SLC6A20: variants seen among roughly 807,000 people sequenced by gnomAD.
The protein encoded by SLC6A20 is sodium- and chloride-dependent transporter XTRP3.
Under a neutral mutation model 64.3 loss-of-function variants are expected in SLC6A20, and 73 were observed. That is an observed-to-expected ratio of 1.14 (90% CI 0.94 to 1.38). The LOEUF is 1.38. Ranked by LOEUF, SLC6A20 falls within the 40% of genes most tolerant of loss-of-function variation. SLC6A20 has a pLI of 0.00. For synonymous variants in SLC6A20, 347 were observed against 329.6 expected, an observed-to-expected ratio of 1.05 and a Z score of -0.57; for missense variants, 725 against 772.8, an observed-to-expected ratio of 0.94 and a Z score of 0.73.
intron 6 of SLC6A20, 26 bp downstream of exon 6, chr3:45,771,191 G>A: frequency 6.2e-7 from 1 of 1,613,678 alleles, no homozygotes; most frequent in Non-Finnish European, 8.5e-7. Flanking sequence ...GGAGGCCTGG[G>A]ACTCGGTGGG....
chr3:45,764,615 T>C (rs574630090), intron 8 of SLC6A20, among the ~76,000 whole-genome samples: 1 of 149,692 alleles, frequency 6.7e-6, no homozygotes, highest in African/African-American at 2.5e-5. Flanking sequence ...GGCACGAGAA[T>C]AGCTTGAGCC....
At position 45,781,220 on chromosome 3, in the gene SLC6A20, CA is replaced by C. The variant is rs34987516; in HGVS notation, c.262+862del. ...GGGCAATAAGAGCGAAACTCCGCCT[CA>C]AAAAAAAAAAAAAATTAATAGCCAT... On this transcript the variant is annotated intron_variant, in intron 2 of 10. Coordinates refer to ENST00000358525, the MANE Select transcript of SLC6A20 (RefSeq NM_020208.4). Among the ~76,000 whole-genome samples, 521 of 129,352 alleles carry C rather than the reference CA, an allele frequency of 4.0e-3. 1 individual carries two copies. The highest frequency in any genetic ancestry group is 6.9e-3 in the Admixed American group (93 of 13,488). The allele number at this position is 129,352 out of a possible 152,430, so 84.9% of individuals were successfully genotyped here.
At position 45,796,311 on chromosome 3, in the gene SLC6A20, T is replaced by A; in HGVS notation, c.109A>T (p.Met37Leu). 1.9e-6 allele frequency: 3 copies of A among 1,610,102 alleles called. No individual in the cohort carries two copies. Among genetic ancestry groups the A allele is most frequent in the Non-Finnish European group, 1.7e-6 (2 of 1,178,480 alleles). ...GGTGGGCACTCACCTCCGCCGTACATCTGGCACAGGTACGGGAATCGCCAC... is the reference window on the plus strand; with the variant it reads ...GGTGGGCACTCACCTCCGCCGTACAACTGGCACAGGTACGGGAATCGCCAC... ...NVWRFPYLCQ[M>L]YGGGSFLVPY... Residue 37 changes from methionine to leucine, a missense_variant, in exon 1 of 11, where the codon ATG becomes TTG. Physicochemically the swap from Met to Leu is conservative, Grantham distance 15. Coordinates refer to ENST00000358525, the MANE Select transcript of SLC6A20 (RefSeq NM_020208.4).
intron 10 of SLC6A20, among the ~76,000 whole-genome samples, chr3:45,759,480 G>T (rs1209004886): frequency 6.6e-6 from 1 of 152,252 alleles, no homozygotes; most frequent in South Asian, 2.1e-4. Context: ...TCTTAGCCTG[G>T]AATGGGACTT....
Position 45,762,958 on chromosome 3 carries a change from A to G in SLC6A20, c.1418T>C (p.Val473Ala). ...GCACACGGCAATCGTCTCCACCAGC[A>G]CGATGAGCAGCAGGGACAGTGTGGC... ...YAATLSLLLI[V>A]LVETIAVCYV... Residue 473 changes from valine to alanine, a missense_variant, in exon 9 of 11, where the codon GTG (valine) becomes GCG (alanine). Coordinates refer to ENST00000358525, the MANE Select transcript of SLC6A20 (RefSeq NM_020208.4). 1.9e-6 allele frequency: 3 copies of G among 1,614,130 alleles called. No homozygotes were observed. Among genetic ancestry groups the G allele is most frequent in the Non-Finnish European group, 2.5e-6 (3 of 1,180,026 alleles).
chr3:45,777,430 GCA>G (rs1303066440), intron 3 of SLC6A20, among the ~76,000 whole-genome samples: 1 of 152,306 alleles, frequency 6.6e-6, no homozygotes, highest in East Asian at 1.9e-4. Flanking sequence ...CTTCCCATGT[GCA>G]CATTTCTCCC....
rs753712356 is a variant in SLC6A20 at position 45,796,385 on chromosome 3, A to G, written c.35T>C (p.Leu12Pro). ...EKARPLWANS[L>P]QFVFACISYA... ...CGAGATGCAGGCGAACACGAACTGT[A>G]GCGAGTTGGCCCACAGCGGCCGCGC... Residue 12 changes from leucine to proline, a missense_variant, in exon 1 of 11, where the codon CTA becomes CCA. By Grantham distance (98) the Leu-to-Pro change is moderately conservative. Transcript: ENST00000358525. 6.2e-7 allele frequency: 1 copy of G among 1,612,064 alleles called. No individual in the cohort carries two copies. The highest frequency in any genetic ancestry group is 1.1e-5 in the South Asian group (1 of 90,954).
chr3:45,784,474 ACTAT>A, intron 1 of SLC6A20, among the ~76,000 whole-genome samples: 1 of 152,378 alleles, frequency 6.6e-6, no homozygotes, highest in East Asian at 1.9e-4. Flanking sequence ...TGTTAAAAGC[ACTAT>A]CTATGGAAGA....
chr3:45,759,943 G>T lies in SLC6A20; in HGVS notation c.1543C>A (p.Leu515Met). 1 of 1,614,232 alleles carries T rather than the reference G, an allele frequency of 6.2e-7. No homozygotes were observed. Among genetic ancestry groups the T allele is most frequent in the Non-Finnish European group, 8.5e-7 (1 of 1,180,046 alleles). ...AAGACAAAGAGGCTGACAATCAGCA[G>T]TGGGCTTACGCCAGCCCACATCACC... ...WKVMWAGVSP[L>M]LIVSLFVFYL... The change falls in exon 10 of 11, where the codon CTG (leucine) becomes ATG (methionine). Residue 515 changes from leucine (L) to methionine (M), a missense_variant. Coordinates refer to ENST00000358525, the MANE Select transcript of SLC6A20 (RefSeq NM_020208.4).
rs1699865614 is a variant in SLC6A20 at position 45,771,466 on chromosome 3, G to A, written c.694-8C>T. 1 of 1,613,854 alleles carries A rather than the reference G, an allele frequency of 6.2e-7. No individual in the cohort carries two copies. Among genetic ancestry groups the A allele is most frequent in the Non-Finnish European group, 8.5e-7 (1 of 1,179,832 alleles). On this transcript the variant is annotated splice_polypyrimidine_tract_variant and splice_region_variant and intron_variant, in intron 5 of 10. Transcript: ENST00000358525. ...GTTGGCCAGCTGCTCTATCTGGAAG[G>A]CCAGCAGGGACAGGGCTGATGATCC...
chr3:45,780,869 C>T (rs552446347), intron 2 of SLC6A20, among the ~76,000 whole-genome samples: 1 of 152,206 alleles, frequency 6.6e-6, no homozygotes, highest in African/African-American at 2.4e-5. Flanking sequence ...CTCCCCACCC[C>T]CACTCCACTC....
At chr3:45,779,301 C>T (rs1700029109) in intron 3 of SLC6A20, among the ~76,000 whole-genome samples, 1 of 152,332 alleles carries the variant, frequency 6.6e-6, no homozygotes, top group South Asian at 2.1e-4. Context: ...CAGAAATGAG[C>T]ATGAGCAGTG....
At chr3:45,764,261 T>C (rs1396896991) in intron 8 of SLC6A20, among the ~76,000 whole-genome samples, 1 of 152,188 alleles carries the variant, frequency 6.6e-6, no homozygotes, top group Non-Finnish European at 1.5e-5. Flanking sequence ...GAAACTGTGG[T>C]ATGTCACCTT....
At position 45,756,212 on chromosome 3, in the gene SLC6A20, C is replaced by G. The variant is rs895694277; in HGVS notation, c.*2766G>C. On this transcript the variant is annotated 3_prime_UTR_variant, in exon 11 of 11. Coordinates refer to ENST00000358525, the MANE Select transcript of SLC6A20 (RefSeq NM_020208.4). ...TTTATCTTTTCACTCCTGAGGCTAC[C>G]TGGTATTCAAGGCTTACGCACCCTG... 3 of 152,194 alleles carry G rather than the reference C, an allele frequency of 2.0e-5. No homozygotes were observed. Among genetic ancestry groups the G allele is most frequent in the South Asian group, 2.1e-4 (1 of 4,828 alleles). The allele number at this position is 152,194 out of a possible 1,614,324, so 9.4% of individuals were successfully genotyped here.
rs148145882 is a variant in SLC6A20 at position 45,775,817 on chromosome 3, G to A, written c.526C>T (p.Leu176=). ...VQWEPALCLL[L]AWLVVYLCIL... is the part of the protein sequence containing the mutation. ...CACAGGTACACCACCAGCCAGGCCA[G>A]GAGGAGGCACAGCGCCGGCTCCCAC... The change falls in exon 4 of 11, where the codon CTG becomes TTG. Residue 176 remains leucine (L), a synonymous_variant. Transcript: ENST00000358525. 10 of 1,614,090 alleles carry A rather than the reference G, an allele frequency of 6.2e-6. No individual in the cohort carries two copies. In the African/African-American group the frequency reaches 1.3e-4, roughly 22 times the overall value.
intron 1 of SLC6A20, among the ~76,000 whole-genome samples, chr3:45,782,803 G>A (rs1183688531): frequency 6.6e-6 from 1 of 152,202 alleles, no homozygotes; most frequent in East Asian, 1.9e-4. Flanking sequence ...CATGTCAGTT[G>A]TTGAACTCTT....
At chr3:45,789,515 A>G (rs1341177884) in intron 1 of SLC6A20, among the ~76,000 whole-genome samples, 1 of 152,230 alleles carries the variant, frequency 6.6e-6, no homozygotes, top group Non-Finnish European at 1.5e-5. Flanking sequence ...AAGTTATGTT[A>G]CCTCTGTAAA....
At chr3:45,761,612 A>G (rs73830459) in intron 9 of SLC6A20, among the ~76,000 whole-genome samples, 4,226 of 152,204 alleles carry the variant, frequency 0.028, 208 homozygotes, top group African/African-American at 0.094. Flanking sequence ...TGAAAGTTCC[A>G]CGTCCCAGAA....
chr3:45,759,725 G>T, intron 10 of SLC6A20, 132 bp downstream of exon 10: 1 of 1,187,632 alleles, frequency 8.4e-7, no homozygotes. Flanking sequence ...AAATACCTCA[G>T]TGATATTTCC....
Sources: gnomAD v4.1 joint callset for allele counts (sites outside exome capture counted in the v4.1 genomes callset) on GRCh38, gnomAD v4.1.1 for gene constraint, MANE v1.5 for transcripts, NCBI Gene and HGNC (gene_info 2026-07-23, HGNC 2026-07-21) for gene names.